The following CFAP43 variants were observed in gnomAD, a reference collection of about 807,000 sequenced individuals.
The protein encoded by CFAP43 is cilia- and flagella-associated protein 43.
A neutral mutation model predicts 218.9 loss-of-function variants in CFAP43; 155 were observed. That is an observed-to-expected ratio of 0.71 (90% CI 0.62 to 0.81). CFAP43 has a LOEUF of 0.81. Ranked by LOEUF, CFAP43 falls within the 30% of genes least tolerant of loss-of-function variation. The pLI, the probability that CFAP43 is intolerant of heterozygous loss-of-function variation, is 0.00. For synonymous variants in CFAP43, 645 were observed against 681.3 expected (o/e 0.95, Z 0.83); for missense variants, 1,778 against 1,954.3 (o/e 0.91, Z 1.70).
chr10:104,153,747 T>C (rs1301201487), intron 27 of CFAP43, among the ~76,000 whole-genome samples: 2 of 151,992 alleles, frequency 1.3e-5, no homozygotes, highest in Admixed American at 1.3e-4. Context: ...TTCTACCCTA[T>C]TTGCTTTATC....
intron 4 of CFAP43, among the ~76,000 whole-genome samples, chr10:104,213,037 G>A (rs927502069): frequency 6.6e-6 from 1 of 152,220 alleles, no homozygotes; most frequent in Non-Finnish European, 1.5e-5. Context: ...AGAAAAGGGT[G>A]TGATAAATTA....
chr10:104,152,792 A>C, intron 27 of CFAP43, 66 bp from the exon 28 acceptor site: 1 of 1,533,996 alleles, frequency 6.5e-7, no homozygotes, highest in Middle Eastern at 2.1e-4. Context: ...AGTGATGTTT[A>C]CATTTCACCA....
chr10:104,161,441 C>T (rs1278344418), intron 26 of CFAP43, among the ~76,000 whole-genome samples: 1 of 151,994 alleles, frequency 6.6e-6, no homozygotes, highest in Non-Finnish European at 1.5e-5. Context: ...ACCCCTGAGC[C>T]CCAGGAAAAC....
chr10:104,168,962 TTGTC>T, intron 20 of CFAP43, 114 bp from the exon 21 acceptor site: 1 of 824,148 alleles, frequency 1.2e-6, no homozygotes, highest in South Asian at 1.6e-5. Context: ...GTGGTAGAGT[TTGTC>T]TTTCTCCAAC....
chr10:104,142,218 A>G, intron 33 of CFAP43, 63 bp downstream of exon 33: 1 of 1,392,924 alleles, frequency 7.2e-7, no homozygotes, highest in Non-Finnish European at 1.0e-6. Flanking sequence ...CAGTGATAAC[A>G]CAACCTGATT....
rs1214194439 is a variant in CFAP43, at chr10:104,157,771, TGTGTGAGAGAGAGA to T, written c.3540+3252_3540+3265del. ...GTGTGTGTGTGTGTGTGTGTGTGTG[TGTGTGAGAGAGAGA>T]GAGAGAGAGAGAGAGAGAGAGAGAA... On this transcript the variant is annotated intron_variant, in intron 27 of 37. Transcript: ENST00000357060. Among the ~76,000 whole-genome samples the T allele has an allele frequency of 4.7e-3, 503 of 106,020 alleles. 2 individuals are homozygous for T. The highest frequency in any genetic ancestry group is 0.018 in the African/African-American group (475 of 25,978). The allele number at this position is 106,020 out of a possible 152,430, so 69.6% of individuals were successfully genotyped here. A position where few individuals can be genotyped will look rare whatever the true frequency, so the allele number is the denominator to read the frequency against.
At position 104,162,322 on chromosome 10, in the gene CFAP43, T is replaced by C; in HGVS notation, c.3328A>G (p.Ile1110Val). The C allele has an allele frequency of 6.2e-7, 1 of 1,613,954 alleles. No individual in the cohort carries two copies. The highest frequency in any genetic ancestry group is 1.1e-5 in the South Asian group (1 of 91,072). The change falls in exon 25 of 38, where the codon ATA (isoleucine) becomes GTA (valine). Residue 1110 changes from isoleucine (I) to valine (V), a missense_variant. Ile to Val is a conservative substitution (Grantham distance 29, BLOSUM62 3). Around this residue, in one of 3 missense-constraint regions of CFAP43, gnomAD observed 1,553 missense variants for 1,685.2 expected, o/e 0.92. Transcript: ENST00000357060. ...VNHEKEHWLL[I>V]QDASTRLRAL... Reference sequence around the variant, plus strand: ...TGTTAAGCAAAGCTACATGCCTGTATCAGAAGCCAGTGCTCCTTTTCATGA... The same window carrying C: ...TGTTAAGCAAAGCTACATGCCTGTACCAGAAGCCAGTGCTCCTTTTCATGA...
chr10:104,192,078 C>A (rs767382867), intron 12 of CFAP43, 121 bp downstream of exon 12: 18 of 736,972 alleles, frequency 2.4e-5, no homozygotes, highest in Non-Finnish European at 3.9e-5. Context: ...TTAAAGGTTT[C>A]TCTTTCAGAA....
At chr10:104,172,889 T>C (rs1355334423) in intron 19 of CFAP43, among the ~76,000 whole-genome samples, 1 of 152,186 alleles carries the variant, frequency 6.6e-6, no homozygotes, top group Non-Finnish European at 1.5e-5. Context: ...TTAAAGATGA[T>C]ATGATGTTTG....
intron 3 of CFAP43, among the ~76,000 whole-genome samples, chr10:104,217,645 G>A (rs989120727): frequency 2.6e-5 from 4 of 152,104 alleles, no homozygotes; most frequent in Admixed American, 1.3e-4. Context: ...CTTCGATCCC[G>A]GTACATTTCC....
chr10:104,130,542 T>TA (rs576466835), intron 37 of CFAP43, among the ~76,000 whole-genome samples: 4 of 151,708 alleles, frequency 2.6e-5, no homozygotes, highest in African/African-American at 7.2e-5. Flanking sequence ...TACACAGCCA[T>TA]AAAAAAAAGA....
chr10:104,133,633 C>T lies in CFAP43; in HGVS notation c.4583G>A (p.Arg1528Lys), dbSNP rs2087301576. 8.1e-6 allele frequency: 13 copies of T among 1,611,232 alleles called. No homozygotes were observed. The highest frequency in any genetic ancestry group is 1.1e-5 in the Non-Finnish European group (13 of 1,179,148). The change falls in exon 35 of 38, where the codon AGA becomes AAA. Residue 1528 changes from arginine to lysine, a missense_variant. This residue lies in a region of CFAP43 where 211 missense variants were observed against 230.6 expected (regional missense o/e 0.91). Transcript: ENST00000357060. ...AWDIQMLFFS[R>K]DRQKYLNEPN... is the part of the protein sequence containing the mutation. ...GGGAGAATTTACCTTTTGACGATCTCTTGAAAAAAATAGCATCTGAATATC... is the reference window on the plus strand; with the variant it reads ...GGGAGAATTTACCTTTTGACGATCTTTTGAAAAAAATAGCATCTGAATATC...
chr10:104,180,445 CTTTTTTTT>C (rs34452460), intron 17 of CFAP43, among the ~76,000 whole-genome samples: 1 of 124,652 alleles, frequency 8.0e-6, no homozygotes, highest in African/African-American at 3.2e-5. Context: ...CACCCTATTT[CTTTTTTTT>C]TTTTTTTTTT....
intron 8 of CFAP43, 109 bp downstream of exon 8, chr10:104,203,563 A>G: frequency 9.5e-7 from 1 of 1,053,570 alleles, no homozygotes; most frequent in Non-Finnish European, 1.3e-6. Flanking sequence ...TAGAGTCTTG[A>G]CAAGTAGAGT....
intron 29 of CFAP43, 71 bp from the exon 30 acceptor site, chr10:104,146,420 TA>T: frequency 8.8e-7 from 1 of 1,135,694 alleles, no homozygotes; most frequent in Non-Finnish European, 1.3e-6. Context: ...TTGGGGATAC[TA>T]AAAAGAGCAA....
In CFAP43 at chr10:104,166,582, A is replaced by G; in HGVS notation, c.2945T>C (p.Leu982Pro). The stretch of plus-strand genomic sequence containing the variant: ...GGTATCTACCCCAAAATCAGTACTC[A>G]GACTACCAAGCAGGTAATTGGGCAA... The part of the protein sequence containing the change: ...SNLPNYLLGS[L>P]STDFGVDTSL... Residue 982 changes from leucine to proline, a missense_variant, in exon 23 of 38, where the codon CTG becomes CCG. By Grantham distance (98) the Leu-to-Pro change is moderately conservative. Around this residue, in one of 3 missense-constraint regions of CFAP43, gnomAD observed 1,553 missense variants for 1,685.2 expected, o/e 0.92. Coordinates refer to ENST00000357060, the MANE Select transcript of CFAP43 (RefSeq NM_025145.7). 6.2e-7 allele frequency: 1 copy of G among 1,614,180 alleles called. No individual in the cohort carries two copies. The highest frequency in any genetic ancestry group is 8.5e-7 in the Non-Finnish European group (1 of 1,180,028).
At chr10:104,188,021 T>G (rs1589736909) in intron 13 of CFAP43, among the ~76,000 whole-genome samples, 1 of 152,276 alleles carries the variant, frequency 6.6e-6, no homozygotes. Context: ...AAATAACAAA[T>G]CAATTTGATG....
At chr10:104,161,629 T>C (rs2088878446) in intron 26 of CFAP43, among the ~76,000 whole-genome samples, 1 of 152,060 alleles carries the variant, frequency 6.6e-6, no homozygotes, top group South Asian at 2.1e-4. Flanking sequence ...CTGTCTAACG[T>C]GGTATGTTTT....
rs2089987425 is a variant in CFAP43, at chr10:104,185,067, T to C, written c.2090A>G (p.Asn697Ser). The C allele has an allele frequency of 2.5e-6, 4 of 1,614,002 alleles. No individual in the cohort carries two copies. The highest frequency in any genetic ancestry group is 3.4e-6 in the Non-Finnish European group (4 of 1,180,016). The change falls in exon 16 of 38, where the codon AAC (asparagine) becomes AGC (serine). Residue 697 changes from asparagine (N) to serine (S), a missense_variant. By Grantham distance (46) the Asn-to-Ser change is conservative. Transcript: ENST00000357060. ...ATCATCTCTCCCATTCACCAGAATG[T>C]TTTGTCCATCCATTGAAATTCTCAT... is the stretch of plus-strand genomic sequence containing the variant. The part of the protein sequence containing the change: ...QSMRISMDGQ[N>S]ILVNGRDDGT...
Sources: allele counts gnomAD v4.1 joint callset (sites outside exome capture counted in the v4.1 genomes callset), GRCh38; gene constraint gnomAD v4.1.1; regional missense constraint gnomAD v4.1.1; transcripts MANE v1.5; gene names NCBI Gene and HGNC (gene_info 2026-07-23, HGNC 2026-07-21).